SEC24A: variants seen among roughly 807,000 people sequenced by gnomAD.
SEC24A encodes the protein protein transport protein Sec24A.
A neutral mutation model predicts 129.4 loss-of-function variants in SEC24A; 93 were observed. The observed-to-expected ratio is 0.72, with a 90% CI of 0.61 to 0.85. SEC24A has a LOEUF of 0.85. Ranked by LOEUF, SEC24A falls within the 40% of genes least tolerant of loss-of-function variation. The probability of loss-of-function intolerance (pLI) is 0.00; values close to 1 mark genes in which losing one functional copy is unlikely to be tolerated. For missense variants in SEC24A, 1,264 were observed against 1,307.4 expected (o/e 0.97, Z 0.51); for synonymous variants, 460 against 467.3 (o/e 0.98, Z 0.20).
chr5:134,697,141 C>A lies in SEC24A; in HGVS notation c.2002C>A (p.Pro668Thr). The change falls in exon 14 of 23, where the codon CCA (proline) becomes ACA (threonine). Residue 668 changes from proline to threonine, a missense_variant. By Grantham distance (38) the Pro-to-Thr change is conservative (BLOSUM62 -1). Transcript: ENST00000398844. ...RSSAKDIHMT[P>T]STDFYKKLAL... ...TTATAAATAGGATATACACATGACACCATCCACTGACTTCTATAAGAAATT... is the reference window on the plus strand; with the variant it reads ...TTATAAATAGGATATACACATGACAACATCCACTGACTTCTATAAGAAATT... The A allele has an allele frequency of 6.5e-7, 1 of 1,530,856 alleles. No homozygotes were observed. Among genetic ancestry groups the A allele is most frequent in the Non-Finnish European group, 9.0e-7 (1 of 1,111,078 alleles). The allele number at this position is 1,530,856 out of a possible 1,614,324, so 94.8% of individuals were successfully genotyped here. A position where few individuals can be genotyped will look rare whatever the true frequency, so the allele number is the denominator to read the frequency against.
At position 134,688,226 on chromosome 5, in the gene SEC24A, C is replaced by G; in HGVS notation, c.1650C>G (p.Asp550Glu). The change falls in exon 11 of 23, where the codon GAC (aspartate) becomes GAG (glutamate). Residue 550 changes from aspartate (D) to glutamate (E), a missense_variant. Transcript: ENST00000398844. ...CAAAAATTGGCTTCATAACATTTGA[C>G]AGTACAATCCATTTCTACGGTCTTC... ...TRTKIGFITF[D>E]STIHFYGLQE... 6.2e-7 allele frequency: 1 copy of G among 1,613,206 alleles called. No homozygotes were observed. Among genetic ancestry groups the G allele is most frequent in the Non-Finnish European group, 8.5e-7 (1 of 1,179,306 alleles).
chr5:134,726,875 T>A lies in SEC24A; in HGVS notation c.*1781T>A, dbSNP rs1752767531. On this transcript the variant is annotated 3_prime_UTR_variant, in exon 23 of 23. Coordinates refer to ENST00000398844, the MANE Select transcript of SEC24A (RefSeq NM_021982.3). ...GAAACATTTGTGCTTTTAGGGATAA[T>A]CTTCCTTGTGCCTCACTACATCCCT... The A allele has an allele frequency of 6.6e-6, 1 of 152,174 alleles. No individual in the cohort carries two copies. Among genetic ancestry groups the A allele is most frequent in the Non-Finnish European group, 1.5e-5 (1 of 67,986 alleles). 9.4% of individuals were successfully genotyped at this position (152,174 alleles called of 1,614,324 possible). A position where few individuals can be genotyped will look rare whatever the true frequency, so the allele number is the denominator to read the frequency against.
Position 134,703,934 on chromosome 5 carries a change from T to TA in SEC24A, c.2440+5dup. 1 of 1,544,310 alleles carries TA rather than the reference T, an allele frequency of 6.5e-7. No individual in the cohort carries two copies. The highest frequency in any genetic ancestry group is 8.8e-7 in the Non-Finnish European group (1 of 1,140,306). On this transcript the variant is annotated splice_region_variant and intron_variant, in intron 16 of 22. Coordinates refer to ENST00000398844, the MANE Select transcript of SEC24A (RefSeq NM_021982.3). ...CACTCTTGTATACATCCAGCAAAGGTAAATTGTTTGTTTTTTTTTGGATTT... is the reference window on the plus strand; with the variant it reads ...CACTCTTGTATACATCCAGCAAAGGTAAAATTGTTTGTTTTTTTTTGGATTT...
chr5:134,708,816 C>G lies in SEC24A; in HGVS notation c.2655C>G (p.Asn885Lys). The G allele has an allele frequency of 1.2e-6, 2 of 1,614,128 alleles. No individual in the cohort carries two copies. The highest frequency in any genetic ancestry group is 1.7e-6 in the Non-Finnish European group (2 of 1,180,026). ...LSAYRSSVLSNQQPGLMVPFS... is the reference protein window; with the variant it reads ...LSAYRSSVLSKQQPGLMVPFS... The stretch of plus-strand genomic sequence containing the variant: ...CTTACCGTTCTTCAGTCTTAAGTAA[C>G]CAGCAGCCTGGACTCATGGTTCCTT... The change falls in exon 18 of 23, where the codon AAC becomes AAG. Residue 885 changes from asparagine to lysine, a missense_variant. Coordinates refer to ENST00000398844, the MANE Select transcript of SEC24A (RefSeq NM_021982.3).
chr5:134,661,409 G>A lies in SEC24A; in HGVS notation c.388G>A (p.Ala130Thr). 2 of 1,614,160 alleles carry A rather than the reference G, an allele frequency of 1.2e-6. No homozygotes were observed. The highest frequency in any genetic ancestry group is 1.7e-6 in the Non-Finnish European group (2 of 1,180,030). ...GCCTTCTAGTAGCTTTCTTCCTGAAGCCAACCTGCCACCACCTTTGAATTG... is the reference window on the plus strand; with the variant it reads ...GCCTTCTAGTAGCTTTCTTCCTGAAACCAACCTGCCACCACCTTTGAATTG... ...PMPSSSFLPE[A>T]NLPPPLNWQY... Residue 130 changes from alanine (A) to threonine (T), a missense_variant, in exon 2 of 23, where the codon GCC becomes ACC. Coordinates refer to ENST00000398844, the MANE Select transcript of SEC24A (RefSeq NM_021982.3).
intron 13 of SEC24A, among the ~76,000 whole-genome samples, chr5:134,694,692 G>A (rs1751764889): frequency 6.6e-6 from 1 of 151,432 alleles, no homozygotes; most frequent in Non-Finnish European, 1.5e-5. Context: ...GGTGGCACAT[G>A]CTTGTAATCC....
intron 18 of SEC24A, among the ~76,000 whole-genome samples, chr5:134,713,568 G>A (rs1752391935): frequency 6.6e-6 from 1 of 151,992 alleles, no homozygotes; most frequent in African/African-American, 2.4e-5. Context: ...AGACAATCAG[G>A]AAATATTTTT....
chr5:134,669,600 C>T (rs548292629), intron 3 of SEC24A, among the ~76,000 whole-genome samples: 1,975 of 152,074 alleles, frequency 0.013, 36 homozygotes, highest in African/African-American at 0.044. Flanking sequence ...CTCAGCCTCC[C>T]GAGTAGCTGG....
chr5:134,650,409 A>G (rs1016700650), intron 1 of SEC24A, among the ~76,000 whole-genome samples: 1 of 152,222 alleles, frequency 6.6e-6, no homozygotes, highest in Admixed American at 6.5e-5. Flanking sequence ...ATGTGCTTCA[A>G]CATTTATATA....
chr5:134,721,222 G>C, intron 21 of SEC24A, 132 bp downstream of exon 21: 1 of 604,654 alleles, frequency 1.7e-6, no homozygotes, highest in Admixed American at 2.9e-5. Context: ...TTTTCATGTT[G>C]ATGGATTCTA....
Position 134,726,386 on chromosome 5 carries a change from C to A in SEC24A, c.*1292C>A, listed in dbSNP as rs1752758336. On this transcript the variant is annotated 3_prime_UTR_variant, in exon 23 of 23. Coordinates refer to ENST00000398844, the MANE Select transcript of SEC24A (RefSeq NM_021982.3). ...AATATGTTCATGTATAATACTTGATCAAAATATTTTTGGGTTTTTTGTTTT... is the reference window on the plus strand; with the variant it reads ...AATATGTTCATGTATAATACTTGATAAAAATATTTTTGGGTTTTTTGTTTT... The A allele has an allele frequency of 6.6e-6, 1 of 152,478 alleles. No homozygotes were observed. The highest frequency in any genetic ancestry group is 2.4e-5 in the African/African-American group (1 of 41,422). 9.4% of individuals were successfully genotyped at this position (152,478 alleles called of 1,614,324 possible).
rs1643486587 is a variant in SEC24A at position 134,725,247 on chromosome 5, A to G, written c.*153A>G. 1.9e-6 allele frequency: 1 copy of G among 538,366 alleles called. No individual in the cohort carries two copies. Among genetic ancestry groups the G allele is most frequent in the Non-Finnish European group, 3.3e-6 (1 of 306,904 alleles). 33.3% of individuals were successfully genotyped at this position (538,366 alleles called of 1,614,324 possible). On this transcript the variant is annotated 3_prime_UTR_variant, in exon 23 of 23. Transcript: ENST00000398844. ...ATTTCAACAACCTATAGCAAATAAAAGACCACAGCAGAGAATCAAACATGC... is the reference window on the plus strand; with the variant it reads ...ATTTCAACAACCTATAGCAAATAAAGGACCACAGCAGAGAATCAAACATGC...
At chr5:134,690,954 G>A (rs532742395) in intron 11 of SEC24A, among the ~76,000 whole-genome samples, 4 of 151,416 alleles carry the variant, frequency 2.6e-5, no homozygotes, top group Non-Finnish European at 2.9e-5. Context: ...AGGTTCAAGC[G>A]ATTCTCATGC....
chr5:134,686,742 T>G (rs771566650), intron 9 of SEC24A, 48 bp from the exon 10 acceptor site: 4 of 1,149,094 alleles, frequency 3.5e-6, no homozygotes, highest in Non-Finnish European at 5.1e-6. Context: ...CAAATAAGTT[T>G]AAACTTAATC....
At position 134,720,434 on chromosome 5, in the gene SEC24A, T is replaced by C. The variant is rs1002953095; in HGVS notation, c.2971-564T>C. On this transcript the variant is annotated intron_variant, in intron 20 of 22. Transcript: ENST00000398844. ...TCACTTAACAACACGTTTCTCAGCA[T>C]GTATCCACATTGTTCAGTGGATTCA... 4.6e-5 allele frequency among the ~76,000 whole-genome samples: 7 copies of C among 152,354 alleles called. 1 individual carries two copies. Among genetic ancestry groups the C allele is most frequent in the Admixed American group, 6.5e-5 (1 of 15,300 alleles).
intron 15 of SEC24A, among the ~76,000 whole-genome samples, chr5:134,701,009 C>A (rs190463119): frequency 2.7e-5 from 4 of 150,144 alleles, no homozygotes; most frequent in Non-Finnish European, 4.4e-5. Flanking sequence ...TGAGCCACCG[C>A]GCCTGGACTG....
At chr5:134,659,486 TG>T (rs1473352427) in intron 1 of SEC24A, among the ~76,000 whole-genome samples, 1 of 152,104 alleles carries the variant, frequency 6.6e-6, no homozygotes, top group Non-Finnish European at 1.5e-5. Context: ...GTGAACTACT[TG>T]TAATTGATCC....
At chr5:134,661,797 G>GTT (rs796426791) in intron 2 of SEC24A, among the ~76,000 whole-genome samples, 7 of 140,366 alleles carry the variant, frequency 5.0e-5, no homozygotes, top group African/African-American at 1.8e-4. Context: ...CTCATTAGTA[G>GTT]TTTTTTTTTT....
At chr5:134,663,025 T>C (rs926476337) in intron 2 of SEC24A, among the ~76,000 whole-genome samples, 3 of 151,992 alleles carry the variant, frequency 2.0e-5, no homozygotes, top group African/African-American at 7.2e-5. Context: ...TTAAAAAAAA[T>C]GTTATCTATA....
Sources: gnomAD v4.1 joint callset for allele counts (sites outside exome capture counted in the v4.1 genomes callset) on GRCh38, gnomAD v4.1.1 for gene constraint, MANE v1.5 for transcripts, NCBI Gene and HGNC (gene_info 2026-07-23, HGNC 2026-07-21) for gene names.